PLA2G10: variants seen among roughly 807,000 people sequenced by gnomAD.
PLA2G10 encodes the protein group 10 secretory phospholipase A2.
Under a neutral mutation model 7.9 loss-of-function variants are expected in PLA2G10, and 9 were observed. The ratio of observed to expected loss-of-function variants is 1.14; its 90% CI spans 0.68 to 1.98. PLA2G10 has a LOEUF of 1.98. Ranked by LOEUF, PLA2G10 falls within the 30% of genes most tolerant of loss-of-function variation. The pLI, the probability that PLA2G10 is intolerant of heterozygous loss-of-function variation, is 0.00. For missense variants in PLA2G10, 53 were observed against 65.4 expected, an observed-to-expected ratio of 0.81 and a Z score of 0.66; for synonymous variants, 19 against 27.5, an observed-to-expected ratio of 0.69 and a Z score of 0.97.
At chr16:14,681,332 A>G (rs1960886807) in intron 3 of PLA2G10, among the ~76,000 whole-genome samples, 1 of 152,158 alleles carries the variant, frequency 6.6e-6, no homozygotes, top group Non-Finnish European at 1.5e-5. Flanking sequence ...TGAGGCTTAC[A>G]GGAATTCGGT....
At chr16:14,677,753 A>G (rs771541624) in intron 3 of PLA2G10, among the ~76,000 whole-genome samples, 15 of 151,406 alleles carry the variant, frequency 9.9e-5, no homozygotes, top group Non-Finnish European at 1.9e-4. Context: ...TGGATGATGG[A>G]CAATGGATGG....
At chr16:14,681,777 A>G (rs1453219234) in intron 3 of PLA2G10, among the ~76,000 whole-genome samples, 1 of 151,792 alleles carries the variant, frequency 6.6e-6, no homozygotes, top group East Asian at 1.9e-4. Flanking sequence ...CAGAGAAGAC[A>G]GTTCTGTAAA....
intron 3 of PLA2G10, among the ~76,000 whole-genome samples, chr16:14,682,813 A>T (rs1189558983): frequency 6.6e-6 from 1 of 152,136 alleles, no homozygotes; most frequent in Non-Finnish European, 1.5e-5. Context: ...TCATACCTGT[A>T]ATCCCAGCAC....
chr16:14,687,709 C>T (rs893133373), intron 3 of PLA2G10, among the ~76,000 whole-genome samples: 3 of 151,928 alleles, frequency 2.0e-5, no homozygotes, highest in Admixed American at 6.6e-5. Flanking sequence ...AGATCACTCA[C>T]ATTAGGGCCA....
At chr16:14,686,036 A>G (rs1252134668) in intron 3 of PLA2G10, among the ~76,000 whole-genome samples, 1 of 124,694 alleles carries the variant, frequency 8.0e-6, no homozygotes, top group African/African-American at 3.1e-5. Flanking sequence ...TCTGTTGCCC[A>G]GGCTGAAGTG....
At chr16:14,672,840 T>A in intron 3 of PLA2G10, 91 bp from the exon 4 acceptor site, 1 of 1,263,050 alleles carries the variant, frequency 7.9e-7, no homozygotes, top group Non-Finnish European at 1.1e-6. Flanking sequence ...GGTCATAAAT[T>A]ACATTTCTGA....
intron 3 of PLA2G10, among the ~76,000 whole-genome samples, chr16:14,679,722 G>A (rs1401508277): frequency 2.0e-5 from 3 of 150,876 alleles, no homozygotes; most frequent in South Asian, 2.1e-4. Context: ...ATGGTGGCAC[G>A]TGCCTGTAGT....
intron 3 of PLA2G10, among the ~76,000 whole-genome samples, chr16:14,676,401 C>A (rs2151849539): frequency 6.6e-6 from 1 of 152,326 alleles, no homozygotes; most frequent in Admixed American, 6.5e-5. Context: ...AATGTGGTGG[C>A]TGGGTGCAGT....
chr16:14,684,770 C>T (rs1961005219), intron 3 of PLA2G10, among the ~76,000 whole-genome samples: 1 of 152,140 alleles, frequency 6.6e-6, no homozygotes, highest in African/African-American at 2.4e-5. Context: ...TGCAGTGAGC[C>T]ATGATCATGC....
At chr16:14,687,166 A>G (rs2151855659) in intron 3 of PLA2G10, among the ~76,000 whole-genome samples, 1 of 151,842 alleles carries the variant, frequency 6.6e-6, no homozygotes, top group South Asian at 2.1e-4. Flanking sequence ...CACTCCAAAA[A>G]CAAACAAACA....
intron 3 of PLA2G10, among the ~76,000 whole-genome samples, chr16:14,683,137 G>GTA (rs1443840952): frequency 6.6e-6 from 1 of 152,022 alleles, no homozygotes; most frequent in Non-Finnish European, 1.5e-5. Flanking sequence ...TATCTTACAG[G>GTA]TAAGGAAGCT....
intron 3 of PLA2G10, among the ~76,000 whole-genome samples, chr16:14,680,421 C>G (rs949742848): frequency 6.6e-6 from 1 of 151,982 alleles, no homozygotes; most frequent in Non-Finnish European, 1.5e-5. Context: ...GGCAGGGTCT[C>G]ACTCTGTCAC....
chr16:14,682,019 A>G (rs1715047693), intron 3 of PLA2G10, among the ~76,000 whole-genome samples: 1 of 151,808 alleles, frequency 6.6e-6, no homozygotes, highest in African/African-American at 2.4e-5. Flanking sequence ...TCTTTTGTAG[A>G]GATGGGGTCT....
At chr16:14,687,130 A>C (rs559384428) in intron 3 of PLA2G10, among the ~76,000 whole-genome samples, 8 of 151,688 alleles carry the variant, frequency 5.3e-5, no homozygotes, top group Non-Finnish European at 8.8e-5. Flanking sequence ...AAAAAAAATC[A>C]AAAAACAAAC....
At chr16:14,673,358 T>C (rs1960643846) in intron 3 of PLA2G10, among the ~76,000 whole-genome samples, 1 of 151,422 alleles carries the variant, frequency 6.6e-6, no homozygotes, top group Admixed American at 6.6e-5. Flanking sequence ...ATTCCTTTAT[T>C]TAAAAATAAT....
At chr16:14,681,404 G>A (rs1017345229) in intron 3 of PLA2G10, among the ~76,000 whole-genome samples, 2 of 151,966 alleles carry the variant, frequency 1.3e-5, no homozygotes, top group Non-Finnish European at 2.9e-5. Flanking sequence ...AGGGTCTCCT[G>A]ACCCAACAAC....
chr16:14,684,067 A>T (rs2151853343), intron 3 of PLA2G10, among the ~76,000 whole-genome samples: 1 of 152,114 alleles, frequency 6.6e-6, no homozygotes, highest in South Asian at 2.1e-4. Context: ...TCTCTACAAA[A>T]AGTTTAAAAA....
intron 3 of PLA2G10, among the ~76,000 whole-genome samples, chr16:14,685,989 C>CTTTTT (rs147554543): frequency 1.1e-4 from 12 of 106,740 alleles, no homozygotes; most frequent in Admixed American, 2.3e-4. Context: ...TTTCTTTACT[C>CTTTTT]TTTTTTTTTT....
At chr16:14,679,673 A>AAATAAT (rs1172261112) in intron 3 of PLA2G10, among the ~76,000 whole-genome samples, 1 of 141,812 alleles carries the variant, frequency 7.1e-6, no homozygotes, top group African/African-American at 2.6e-5. Flanking sequence ...AAAAAAAAAA[A>AAATAAT]AATAATAATA....
Sources: allele counts gnomAD v4.1 joint callset (sites outside exome capture counted in the v4.1 genomes callset), GRCh38; gene constraint gnomAD v4.1.1; transcripts MANE v1.5; gene names NCBI Gene and HGNC (gene_info 2026-07-23, HGNC 2026-07-21).